Variants in ANKRD28 observed in about 807,000 individuals in gnomAD.
The protein encoded by ANKRD28 is serine/threonine-protein phosphatase 6 regulatory ankyrin repeat subunit A.
ANKRD28 carries 44 observed loss-of-function variants against 126.5 expected under a neutral mutation model. The observed-to-expected ratio is 0.35, with a 90% confidence interval of 0.27 to 0.45. The LOEUF (loss-of-function observed/expected upper bound fraction) is 0.45. Among genes scored for constraint, ANKRD28 ranks in the 20% least tolerant of loss-of-function variants. ANKRD28 has a pLI of 1.00. For missense variants in ANKRD28, 1,110 were observed against 1,316.6 expected, an observed-to-expected ratio of 0.84 and a Z score of 2.43; for synonymous variants, 442 against 468.5, an observed-to-expected ratio of 0.94 and a Z score of 0.73.
chr3:15,775,774 G>C (rs950226911), intron 2 of ANKRD28, among the ~76,000 whole-genome samples: 2 of 152,158 alleles, frequency 1.3e-5, no homozygotes, highest in African/African-American at 4.8e-5. Context: ...CACCCTCCAG[G>C]AACTGCCACA....
chr3:15,724,742 G>T (rs2074027841), intron 6 of ANKRD28, among the ~76,000 whole-genome samples: 1 of 152,122 alleles, frequency 6.6e-6, no homozygotes, highest in East Asian at 1.9e-4. Flanking sequence ...ACTTTGGGAG[G>T]CTGAAGTGGG....
Position 15,669,083 on chromosome 3 carries a change from A to G in ANKRD28, c.*1187T>C, listed in dbSNP as rs1200659369. The stretch of plus-strand genomic sequence containing the variant: ...GCAACTGCTTCTCTCTCCAAATAGT[A>G]ACAGGTTACAAACATGCTACTTTAA... On this transcript the variant is annotated 3_prime_UTR_variant, in exon 28 of 28. Transcript: ENST00000683139. The G allele has an allele frequency of 6.6e-6, 1 of 152,304 alleles. No individual in the cohort carries two copies. Among genetic ancestry groups the G allele is most frequent in the African/African-American group, 2.4e-5 (1 of 41,462 alleles). The allele number at this position is 152,304 out of a possible 1,614,324, so 9.4% of individuals were successfully genotyped here.
chr3:15,785,588 A>G (rs2059740302), intron 2 of ANKRD28, among the ~76,000 whole-genome samples: 1 of 152,150 alleles, frequency 6.6e-6, no homozygotes, highest in African/African-American at 2.4e-5. Flanking sequence ...ATATGAAACA[A>G]TAGAGACTCT....
intron 27 of ANKRD28, among the ~76,000 whole-genome samples, chr3:15,671,334 G>A (rs2066322843): frequency 6.6e-6 from 1 of 152,152 alleles, no homozygotes; most frequent in African/African-American, 2.4e-5. Context: ...GAGCGGGAGA[G>A]AAGTGATAAT....
At chr3:15,779,340 G>A (rs939541515) in intron 2 of ANKRD28, among the ~76,000 whole-genome samples, 1 of 152,084 alleles carries the variant, frequency 6.6e-6, no homozygotes, top group Non-Finnish European at 1.5e-5. Flanking sequence ...ATAGTAACTG[G>A]CACATATTAC....
At position 15,670,099 on chromosome 3, in the gene ANKRD28, G is replaced by T; in HGVS notation, c.*171C>A. The T allele has an allele frequency of 1.5e-6, 1 of 677,202 alleles. No homozygotes were observed. The highest frequency in any genetic ancestry group is 2.4e-6 in the Non-Finnish European group (1 of 415,548). 41.9% of individuals were successfully genotyped at this position (677,202 alleles called of 1,614,324 possible). ...TTTCAAGATTCTAGAAGTTCCTTTT[G>T]TAAAACTTGCCTTTAAAACTCTTCC... is the stretch of plus-strand genomic sequence containing the variant. On this transcript the variant is annotated 3_prime_UTR_variant, in exon 28 of 28. Coordinates refer to ENST00000683139, the MANE Select transcript of ANKRD28 (RefSeq NM_001349278.2).
chr3:15,712,553 C>T (rs1436824058), intron 10 of ANKRD28, among the ~76,000 whole-genome samples: 2 of 152,204 alleles, frequency 1.3e-5, no homozygotes, highest in Non-Finnish European at 2.9e-5. Context: ...TTAACACCTT[C>T]CTCCCCAAAT....
Position 15,690,653 on chromosome 3 carries a change from C to T in ANKRD28, c.1762-433G>A, listed in dbSNP as rs150997332. ...GATCATAGCTCACTGCAGCCTTGAC[C>T]TTCTGGGCTTAAGTGATCCTCCCAC... On this transcript the variant is annotated intron_variant, in intron 17 of 27. Coordinates refer to ENST00000683139, the MANE Select transcript of ANKRD28 (RefSeq NM_001349278.2). Among the ~76,000 whole-genome samples, 618 of 152,310 alleles carry T rather than the reference C, an allele frequency of 4.1e-3. 1 individual carries two copies. The highest frequency in any genetic ancestry group is 0.023 in the East Asian group (118 of 5,188).
At chr3:15,710,921 T>A (rs2072185603) in intron 12 of ANKRD28, among the ~76,000 whole-genome samples, 1 of 152,208 alleles carries the variant, frequency 6.6e-6, no homozygotes. Context: ...TTTGAGAACA[T>A]ACTTTTTAAA....
rs2061260930 is a variant in ANKRD28, at chr3:15,833,799, G to A, written c.27+25578C>T. On this transcript the variant is annotated intron_variant, in intron 1 of 27. Coordinates refer to the ANKRD28 transcript ENST00000399451. This position sits in a 1 kb window ranked among gnomAD's most constrained non-coding sequence, Gnocchi z 4.4. ...CCACATGCTTAGTGTTCCAATAATG[G>A]AACACTAGGCATAAGTGGATTAATT... Among the ~76,000 whole-genome samples the A allele has an allele frequency of 6.6e-6, 1 of 151,950 alleles. No homozygotes were observed. The highest frequency in any genetic ancestry group is 2.4e-5 in the African/African-American group (1 of 41,378).
At chr3:15,770,580 G>A (rs978357879) in intron 2 of ANKRD28, among the ~76,000 whole-genome samples, 1 of 152,094 alleles carries the variant, frequency 6.6e-6, no homozygotes, top group Non-Finnish European at 1.5e-5. Flanking sequence ...AAGAACAATT[G>A]AAATCAAACA....
At chr3:15,730,667 C>G (rs1156576137) in intron 6 of ANKRD28, among the ~76,000 whole-genome samples, 1 of 152,152 alleles carries the variant, frequency 6.6e-6, no homozygotes, top group Non-Finnish European at 1.5e-5. Flanking sequence ...AATGGCTGAA[C>G]AGTTTTAGAA....
intron 8 of ANKRD28, among the ~76,000 whole-genome samples, chr3:15,717,185 T>C (rs1224894695): frequency 6.6e-6 from 1 of 152,108 alleles, no homozygotes; most frequent in Non-Finnish European, 1.5e-5. Context: ...GCTATATTGC[T>C]CAGACTAGAC....
intron 1 of ANKRD28, among the ~76,000 whole-genome samples, chr3:15,828,057 G>T (rs529239837): frequency 1.3e-5 from 2 of 152,208 alleles, no homozygotes; most frequent in East Asian, 3.9e-4. Context: ...ATTAAAAATT[G>T]TTAGTAGGTA....
chr3:15,740,667 C>T (rs2654652), intron 4 of ANKRD28, among the ~76,000 whole-genome samples: 101,789 of 152,118 alleles, frequency 0.67, 34,595 homozygotes, highest in East Asian at 0.91. Context: ...GAATTCATAA[C>T]ACAAACATTA....
chr3:15,824,003 T>C (rs1461732318), intron 1 of ANKRD28, among the ~76,000 whole-genome samples: 1 of 152,154 alleles, frequency 6.6e-6, no homozygotes, highest in Non-Finnish European at 1.5e-5. Flanking sequence ...AGGAGAGAGA[T>C]AAAGATGCCA....
Position 15,751,904 on chromosome 3 carries a change from T to C in ANKRD28, c.281-84A>G. 3 of 883,704 alleles carry C rather than the reference T, an allele frequency of 3.4e-6. No homozygotes were observed. In the South Asian group the frequency reaches 5.8e-5, roughly 17 times the overall value. The allele number at this position is 883,704 out of a possible 1,614,324, so 54.7% of individuals were successfully genotyped here. A position where few individuals can be genotyped will look rare whatever the true frequency, so the allele number is the denominator to read the frequency against. On this transcript the variant is annotated intron_variant, in intron 3 of 27. Transcript: ENST00000683139. ...CTCCTGAAATAGTAGTTATATATAA[T>C]CCAAATTGGATAAATGACAATTGAA...
At position 15,698,708 on chromosome 3, in the gene ANKRD28, G is replaced by C. The variant is rs562025193; in HGVS notation, c.1548-2463C>G. 2.0e-5 allele frequency among the ~76,000 whole-genome samples: 3 copies of C among 152,240 alleles called. No homozygotes were observed. In the East Asian group the frequency reaches 5.8e-4, roughly 29 times the overall value. ...GGGATGTGAAGGACCTCTTCAGGCA[G>C]AACTACAAACCACTGCTCAATGAAA... On this transcript the variant is annotated intron_variant, in intron 14 of 27. Coordinates refer to ENST00000683139, the MANE Select transcript of ANKRD28 (RefSeq NM_001349278.2).
At chr3:15,742,149 C>T (rs1178479874) in intron 4 of ANKRD28, among the ~76,000 whole-genome samples, 7 of 152,002 alleles carry the variant, frequency 4.6e-5, no homozygotes, top group Non-Finnish European at 7.4e-5. Flanking sequence ...AGCCTCTGCC[C>T]GGCCGCCACC....
Sources: allele counts gnomAD v4.1 joint callset (sites outside exome capture counted in the v4.1 genomes callset), GRCh38; gene constraint gnomAD v4.1.1; non-coding constraint Gnocchi (gnomAD v3.1); transcripts MANE v1.5; gene names NCBI Gene and HGNC (gene_info 2026-07-23, HGNC 2026-07-21).